SPON2: variants seen among roughly 807,000 people sequenced by gnomAD.
The protein encoded by SPON2 is spondin-2.
In SPON2, 32 loss-of-function variants were observed where a neutral mutation model predicts 29.9. The observed-to-expected ratio is 1.07, with a 90% confidence interval of 0.81 to 1.44. The LOEUF (loss-of-function observed/expected upper bound fraction) is 1.44, where lower values mean the gene tolerates loss of function less well. Ranked by LOEUF, SPON2 falls within the 40% of genes most tolerant of loss-of-function variation. SPON2 has a pLI of 0.00. For synonymous variants in SPON2, 248 were observed against 209.1 expected (o/e 1.19, Z -1.61); for missense variants, 541 against 455.5 (o/e 1.19, Z -1.71).
intron 1 of SPON2, among the ~76,000 whole-genome samples, chr4:1,181,315 C>T (rs1278458487): frequency 6.6e-6 from 1 of 152,154 alleles, no homozygotes. Context: ...AAGACATTCT[C>T]AGGTAAATCA....
In SPON2 at chr4:1,167,421, C is replaced by T. The variant is rs538904609; in HGVS notation, c.*51G>A. The stretch of plus-strand genomic sequence containing the variant: ...CTGCAGCATGAGCCTGCACAGGAGC[C>T]CCCGACACCCCATGGCTCCGGGGGG... On this transcript the variant is annotated 3_prime_UTR_variant, in exon 6 of 6. Transcript: ENST00000290902. 3.3e-5 allele frequency: 52 copies of T among 1,565,418 alleles called. No homozygotes were observed. Among genetic ancestry groups the T allele is most frequent in the Non-Finnish European group, 4.2e-5 (48 of 1,151,662 alleles).
upstream of SPON2, among the ~76,000 whole-genome samples, chr4:1,176,609 A>C (rs550259367): frequency 6.6e-6 from 1 of 150,920 alleles, no homozygotes; most frequent in South Asian, 2.3e-4. Flanking sequence ...ATCCATTCAC[A>C]CAGTACATTC....
chr4:1,170,598 T>C (rs1174276292), intron 4 of SPON2, 22 bp from the exon 5 acceptor site: 9 of 1,596,170 alleles, frequency 5.6e-6, no homozygotes, highest in Non-Finnish European at 7.7e-6. Context: ...GAAGAGGAGG[T>C]TGGCCTGGGG....
chr4:1,168,093 C>G (rs1223673623), intron 5 of SPON2: 2 of 171,504 alleles, frequency 1.2e-5, no homozygotes, highest in Non-Finnish European at 2.5e-5. Flanking sequence ...GGACCCCCCA[C>G]AGGACTCAGA....
chr4:1,201,744 G>A (rs775147490), intron 1 of SPON2, among the ~76,000 whole-genome samples: 2 of 152,018 alleles, frequency 1.3e-5, no homozygotes, highest in Admixed American at 6.6e-5. Context: ...TGCCACGCCC[G>A]GCTAATTTTT....
rs762551399 is a variant in SPON2, at chr4:1,167,440, C to G, written c.*32G>C. 66 of 1,595,786 alleles carry G rather than the reference C, an allele frequency of 4.1e-5. No individual in the cohort carries two copies. The highest frequency in any genetic ancestry group is 4.7e-5 in the Non-Finnish European group (55 of 1,169,898). On this transcript the variant is annotated 3_prime_UTR_variant, in exon 6 of 6. Transcript: ENST00000290902. ...AGGAGCCCCCGACACCCCATGGCTC[C>G]GGGGGGCCCCAGGGGCTGCGGGGCT... is the stretch of plus-strand genomic sequence containing the variant.
At position 1,171,097 on chromosome 4, in the gene SPON2, C is replaced by T. The variant is rs773754281; in HGVS notation, c.538G>A (p.Ala180Thr). The stretch of plus-strand genomic sequence containing the variant: ...TCGTAGGGGTACAGGTCCAGCGCCG[C>T]CTGTTCCCGCCAACGGTCCCCGTCG... ...LCDGDRWREQ[A>T]ALDLYPYDAG... Residue 180 changes from alanine to threonine, a missense_variant, in exon 4 of 6, where the codon GCG becomes ACG. Ala to Thr is a moderately conservative substitution (Grantham distance 58, BLOSUM62 0). Coordinates refer to ENST00000290902, the MANE Select transcript of SPON2 (RefSeq NM_012445.4). 1.3e-6 allele frequency: 2 copies of T among 1,550,550 alleles called. No individual in the cohort carries two copies. Among genetic ancestry groups the T allele is most frequent in the Non-Finnish European group, 1.7e-6 (2 of 1,146,922 alleles).
upstream of SPON2, chr4:1,195,269 G>A (rs1728039025): frequency 6.6e-6 from 1 of 152,472 alleles, no homozygotes; most frequent in Non-Finnish European, 1.5e-5. Flanking sequence ...GCGGTCCCAG[G>A]GCGGGTCCCG....
At chr4:1,201,051 C>T (rs1252509008) in intron 1 of SPON2, 1 of 451,850 alleles carries the variant, frequency 2.2e-6, no homozygotes, top group African/African-American at 2.0e-5. Flanking sequence ...CCTGGCCCTT[C>T]CCCCTCCCAC....
At chr4:1,195,198 G>A (rs547759566), upstream of SPON2, 60 of 152,374 alleles carry the variant, frequency 3.9e-4, no homozygotes, top group Middle Eastern at 3.4e-3. Context: ...CCCCACCGCC[G>A]TCCTCTGGAG....
At chr4:1,206,290 T>A (rs962320158) in intron 1 of SPON2, among the ~76,000 whole-genome samples, 1 of 150,920 alleles carries the variant, frequency 6.6e-6, no homozygotes, top group Non-Finnish European at 1.5e-5. Context: ...GGTCTGCGGG[T>A]GCCACTCACC....
At chr4:1,201,151 T>G (rs945388230) in intron 1 of SPON2, 42 of 455,446 alleles carry the variant, frequency 9.2e-5, no homozygotes, top group Non-Finnish European at 1.7e-4. Flanking sequence ...CCAGATTCCC[T>G]GCAGGCCAAA....
At position 1,166,945 on chromosome 4, in the gene SPON2, G is replaced by A. The variant is rs1727255267; in HGVS notation, c.*527C>T. The A allele has an allele frequency of 6.5e-6, 1 of 152,862 alleles. No individual in the cohort carries two copies. Among genetic ancestry groups the A allele is most frequent in the Non-Finnish European group, 1.5e-5 (1 of 68,474 alleles). 9.5% of individuals were successfully genotyped at this position (152,862 alleles called of 1,614,324 possible). A position where few individuals can be genotyped will look rare whatever the true frequency, so the allele number is the denominator to read the frequency against. ...CAGCCAGGGACATTTGTGAGCAACA[G>A]AGATAGTCTTTATTCAAACGCAGAG... On this transcript the variant is annotated 3_prime_UTR_variant, in exon 6 of 6. Coordinates refer to ENST00000290902, the MANE Select transcript of SPON2 (RefSeq NM_012445.4).
chr4:1,173,415 C>T (rs538228164), upstream of SPON2, among the ~76,000 whole-genome samples: 2 of 152,266 alleles, frequency 1.3e-5, no homozygotes, highest in African/African-American at 4.8e-5. Context: ...CCCCAGGACC[C>T]CGCACAGGGC....
At chr4:1,180,155 T>C (rs908301395) in intron 1 of SPON2, among the ~76,000 whole-genome samples, 3 of 151,970 alleles carry the variant, frequency 2.0e-5, no homozygotes, top group African/African-American at 7.3e-5. Flanking sequence ...AAGCAGGAAG[T>C]GAGGGCTACT....
At chr4:1,171,678 C>CA (rs1727455063) in intron 2 of SPON2, 174 bp downstream of exon 2, 6 of 763,300 alleles carry the variant, frequency 7.9e-6, no homozygotes. Flanking sequence ...CGCCCCCTGC[C>CA]CCCACCGCAT....
At chr4:1,201,714 C>G (rs905512256) in intron 1 of SPON2, among the ~76,000 whole-genome samples, 1 of 152,120 alleles carries the variant, frequency 6.6e-6, no homozygotes, top group African/African-American at 2.4e-5. Context: ...TCCTGAGTAG[C>G]TGGGATTACA....
upstream of SPON2, among the ~76,000 whole-genome samples, chr4:1,175,600 G>A (rs1255442469): frequency 1.3e-5 from 2 of 151,206 alleles, no homozygotes; most frequent in Admixed American, 1.3e-4. Context: ...ATAGGGTGGT[G>A]GTGGGCCCTG....
At chr4:1,169,716 C>A (rs1481622709) in intron 5 of SPON2, 2 of 152,362 alleles carry the variant, frequency 1.3e-5, no homozygotes, top group African/African-American at 4.8e-5. Flanking sequence ...CTGAAGTCCG[C>A]TGTTGTCTGG....
Sources: allele counts gnomAD v4.1 joint callset (sites outside exome capture counted in the v4.1 genomes callset), GRCh38; gene constraint gnomAD v4.1.1; transcripts MANE v1.5; gene names NCBI Gene and HGNC (gene_info 2026-07-23, HGNC 2026-07-21).